ERLIN2: variants seen among roughly 807,000 people sequenced by gnomAD.
ERLIN2 encodes the protein erlin-2.
In ERLIN2, 22 loss-of-function variants were observed where a neutral mutation model predicts 41.5. The ratio of observed to expected loss-of-function variants is 0.53; its 90% CI spans 0.38 to 0.76. ERLIN2 has a LOEUF of 0.76. Among genes scored for constraint, ERLIN2 ranks in the 30% least tolerant of loss-of-function variants. The probability of loss-of-function intolerance (pLI) is 0.00; values close to 1 mark genes in which losing one functional copy is unlikely to be tolerated. For missense variants in ERLIN2, 247 were observed against 414.3 expected (o/e 0.60, Z 3.51); for synonymous variants, 149 against 150.9 (o/e 0.99, Z 0.09).
chr8:37,748,261 A>G (rs1341748599), intron 6 of ERLIN2, among the ~76,000 whole-genome samples: 1 of 152,232 alleles, frequency 6.6e-6, no homozygotes, highest in Middle Eastern at 3.2e-3. Context: ...GGTCTGAGGA[A>G]TGACGTTATT....
intron 6 of ERLIN2, among the ~76,000 whole-genome samples, chr8:37,748,863 G>C (rs977674579): frequency 2.0e-5 from 3 of 152,310 alleles, no homozygotes; most frequent in Middle Eastern, 3.4e-3. Context: ...AAGGAAGGTG[G>C]GGGGAGAGTC....
chr8:37,748,103 A>G, intron 6 of ERLIN2: 1 of 826,256 alleles, frequency 1.2e-6, no homozygotes, highest in Non-Finnish European at 2.0e-6. Flanking sequence ...CGGCTACCTT[A>G]GTAATACAAT....
Position 37,741,750 on chromosome 8 carries a change from T to C in ERLIN2, c.190-22T>C. ...TTTGTCACTGCCCATCTTCTAGCAC[T>C]TTATGTTTCCTCTGTTTCCAGACCA... On this transcript the variant is annotated intron_variant, in intron 3 of 11. Transcript: ENST00000519638. This position sits in a 1 kb window ranked among gnomAD's most constrained non-coding sequence, Gnocchi z 4.8. 1 of 1,605,874 alleles carries C rather than the reference T, an allele frequency of 6.2e-7. No homozygotes were observed. Among genetic ancestry groups the C allele is most frequent in the South Asian group, 1.1e-5 (1 of 90,954 alleles).
chr8:37,746,956 C>T (rs1042537941), intron 6 of ERLIN2, among the ~76,000 whole-genome samples: 2 of 152,138 alleles, frequency 1.3e-5, no homozygotes, highest in Admixed American at 1.3e-4. Flanking sequence ...TATGACGTAC[C>T]ATAATATTTT....
rs2032067 is a variant in ERLIN2 at position 37,741,738 on chromosome 8, A to C, written c.190-34A>C. On this transcript the variant is annotated intron_variant, in intron 3 of 11. Coordinates refer to ENST00000519638, the MANE Select transcript of ERLIN2 (RefSeq NM_007175.8). The surrounding 1 kb of genome is among the most constrained non-coding windows in gnomAD (Gnocchi z 4.8). ...AAAGTAAGTTACTTTGTCACTGCCC[A>C]TCTTCTAGCACTTTATGTTTCCTCT... is the stretch of plus-strand genomic sequence containing the variant. 1.3e-6 allele frequency: 2 copies of C among 1,577,404 alleles called. No homozygotes were observed. Among genetic ancestry groups the C allele is most frequent in the Non-Finnish European group, 1.7e-6 (2 of 1,146,452 alleles).
intron 6 of ERLIN2, chr8:37,748,100 C>T: frequency 2.4e-6 from 2 of 837,326 alleles, no homozygotes; most frequent in Non-Finnish European, 4.0e-6. Flanking sequence ...CTGCGGCTAC[C>T]TTAGTAATAC....
chr8:37,740,257 T>A, intron 2 of ERLIN2, 108 bp from the exon 3 acceptor site: 1 of 772,228 alleles, frequency 1.3e-6, no homozygotes, highest in Non-Finnish European at 2.3e-6. Context: ...CATGTCACTC[T>A]CTATTATATG....
chr8:37,753,075 G>T (rs1309358321), intron 10 of ERLIN2, among the ~76,000 whole-genome samples: 1 of 152,184 alleles, frequency 6.6e-6, no homozygotes, highest in Non-Finnish European at 1.5e-5. Context: ...AGAGCTTGAG[G>T]CAGGGTCCCA....
intron 8 of ERLIN2, 66 bp from the exon 9 acceptor site, chr8:37,750,329 C>G: frequency 7.8e-7 from 1 of 1,281,634 alleles, no homozygotes; most frequent in South Asian, 1.2e-5. Flanking sequence ...AAGAATTCGA[C>G]TTACCTGGGG....
Position 37,754,014 on chromosome 8 carries a change from G to A in ERLIN2, c.919G>A (p.Asp307Asn). Residue 307 changes from aspartate to asparagine, a missense_variant, in exon 12 of 12, where the codon GAC (aspartate) becomes AAC (asparagine). Physicochemically the swap from Asp to Asn is conservative, Grantham distance 23. Transcript: ENST00000519638. ...FGKDIPNMFM[D>N]SAGSVSKQFE... Reference sequence around the variant, plus strand: ...CAAAGACATTCCTAACATGTTCATGGACTCTGCGGGCAGTGTGAGCAAGCA... The same window carrying A: ...CAAAGACATTCCTAACATGTTCATGAACTCTGCGGGCAGTGTGAGCAAGCA... 6.2e-7 allele frequency: 1 copy of A among 1,613,892 alleles called. No homozygotes were observed. The highest frequency in any genetic ancestry group is 8.5e-7 in the Non-Finnish European group (1 of 1,179,886).
At chr8:37,745,824 G>A in intron 6 of ERLIN2, 26 of 1,339,702 alleles carry the variant, frequency 1.9e-5, no homozygotes, top group South Asian at 8.4e-5. Context: ...AGAAAAAGTT[G>A]GTAAATTTGC....
intron 8 of ERLIN2, 42 bp downstream of exon 8, chr8:37,749,894 C>T (rs758525114): frequency 6.6e-7 from 1 of 1,519,010 alleles, no homozygotes; most frequent in South Asian, 1.1e-5. Flanking sequence ...CCACTGCCTC[C>T]CACCTCCCAC....
chr8:37,741,944 C>A lies in ERLIN2; in HGVS notation c.236+126C>A. ...TGGTTAATTCCCTGTCTCGTAGCTC[C>A]CTATATTGATTTGACCAGGTGATGG... On this transcript the variant is annotated intron_variant, in intron 4 of 11. Transcript: ENST00000519638. The surrounding 1 kb of genome is among the most constrained non-coding windows in gnomAD (Gnocchi z 4.8). The A allele has an allele frequency of 1.3e-6, 1 of 746,136 alleles. No individual in the cohort carries two copies. The allele number at this position is 746,136 out of a possible 1,614,324, so 46.2% of individuals were successfully genotyped here. A position where few individuals can be genotyped will look rare whatever the true frequency, so the allele number is the denominator to read the frequency against.
In ERLIN2 at chr8:37,736,817, C is replaced by T. The variant is rs547852240; in HGVS notation, c.-16+139C>T. 8.1e-4 allele frequency: 794 copies of T among 985,936 alleles called. 17 individuals are homozygous for T. In the South Asian group the frequency reaches 0.033, roughly 41 times the overall value. 61.1% of individuals were successfully genotyped at this position (985,936 alleles called of 1,614,324 possible). ...CCCGCTCCTGGAGAGAGACAGAAAC[C>T]CTTTTCTGTCGCGTCCTCTCCTTGC... is the stretch of plus-strand genomic sequence containing the variant. On this transcript the variant is annotated intron_variant, in intron 1 of 11. Coordinates refer to ENST00000519638, the MANE Select transcript of ERLIN2 (RefSeq NM_007175.8).
chr8:37,748,812 G>A (rs1463413313), intron 6 of ERLIN2, among the ~76,000 whole-genome samples: 1 of 152,232 alleles, frequency 6.6e-6, no homozygotes, highest in Admixed American at 6.5e-5. Flanking sequence ...CCATGCCAGA[G>A]AAGTCAGCTT....
intron 2 of ERLIN2, 40 bp from the exon 3 acceptor site, chr8:37,740,325 G>A: frequency 6.8e-7 from 1 of 1,471,430 alleles, no homozygotes; most frequent in Non-Finnish European, 9.5e-7. Flanking sequence ...GAGCCTTCTT[G>A]CCAAACTGAA....
chr8:37,750,283 A>G (rs1780504092), intron 8 of ERLIN2, 112 bp from the exon 9 acceptor site: 11 of 801,032 alleles, frequency 1.4e-5, no homozygotes, highest in Non-Finnish European at 2.1e-5. Context: ...GCCTTCCAGG[A>G]GGAGTAGGAA....
intron 1 of ERLIN2, 185 bp downstream of exon 1, chr8:37,736,863 G>A (rs984600567): frequency 3.8e-5 from 37 of 985,832 alleles, no homozygotes; most frequent in Non-Finnish European, 4.3e-5. Context: ...GGGACCGAGC[G>A]GAGGCTATTG....
At position 37,737,937 on chromosome 8, in the gene ERLIN2, A is replaced by G. The variant is rs770503265; in HGVS notation, c.15A>G (p.Gly5=). ...AAGGCTCACTGATGGCTCAGTTGGG[A>G]GCAGTTGTGGCTGTGGCTTCCAGTT... MAQL[G]AVVAVASSFF... is the part of the protein sequence containing the mutation. The change falls in exon 2 of 12, where the codon GGA becomes GGG. Residue 5 remains glycine, a synonymous_variant. Coordinates refer to ENST00000519638, the MANE Select transcript of ERLIN2 (RefSeq NM_007175.8). 6.2e-7 allele frequency: 1 copy of G among 1,614,020 alleles called. No individual in the cohort carries two copies. Among genetic ancestry groups the G allele is most frequent in the Non-Finnish European group, 8.5e-7 (1 of 1,180,004 alleles).
Sources: allele counts gnomAD v4.1 joint callset (sites outside exome capture counted in the v4.1 genomes callset), GRCh38; gene constraint gnomAD v4.1.1; non-coding constraint Gnocchi (gnomAD v3.1); transcripts MANE v1.5; gene names NCBI Gene and HGNC (gene_info 2026-07-23, HGNC 2026-07-21).